Variants in MLLT10 observed in about 807,000 individuals in gnomAD.
MLLT10 encodes protein AF-10.
MLLT10 carries 30 observed loss-of-function variants against 129.1 expected under a neutral mutation model. That is an observed-to-expected ratio of 0.23 (90% CI 0.17 to 0.32). The LOEUF (loss-of-function observed/expected upper bound fraction) is 0.32, where lower values mean the gene tolerates loss of function less well. MLLT10 is among the 10% of genes least tolerant of loss of function. MLLT10 has a pLI of 1.00. For synonymous variants in MLLT10, 490 were observed against 446.4 expected (o/e 1.10, Z -1.23); for missense variants, 1,119 against 1,268.3 (o/e 0.88, Z 1.79).
chr10:21,556,737 G>A (rs1321627749), intron 3 of MLLT10: 6 of 1,611,440 alleles, frequency 3.7e-6, no homozygotes, highest in African/African-American at 2.7e-5. Flanking sequence ...CACCCCCGAT[G>A]CCTGGTGTCT....
chr10:21,685,221 T>C (rs978576946), intron 13 of MLLT10, among the ~76,000 whole-genome samples: 7 of 152,244 alleles, frequency 4.6e-5, no homozygotes, highest in Non-Finnish European at 1.0e-4. Context: ...CATCATTTAT[T>C]CTAGCAACTG....
chr10:21,693,327 C>G (rs1024123891), intron 13 of MLLT10, among the ~76,000 whole-genome samples: 1 of 152,088 alleles, frequency 6.6e-6, no homozygotes, highest in African/African-American at 2.4e-5. Flanking sequence ...TCCTCATACT[C>G]TTCCTTTGCT....
At chr10:21,645,647 A>G (rs1186993259) in intron 8 of MLLT10, among the ~76,000 whole-genome samples, 1 of 152,198 alleles carries the variant, frequency 6.6e-6, no homozygotes, top group Admixed American at 6.5e-5. Flanking sequence ...AATTTACTCT[A>G]GAGTTTTCCT....
intron 8 of MLLT10, chr10:21,624,519 AT>A (rs1363710786): frequency 1.1e-4 from 104 of 946,934 alleles, no homozygotes; most frequent in Non-Finnish European, 1.4e-4. Context: ...GTTAAACAAA[AT>A]TTTTTTTGAA....
chr10:21,581,044 AT>A lies in MLLT10; in HGVS notation c.241-5231del, dbSNP rs35410894. The stretch of plus-strand genomic sequence containing the variant: ...TGTATTTTCTTTTAATGTTCAGTGA[AT>A]TTTTTTTTTTTTTTTTTTGAGACGG... On this transcript the variant is annotated intron_variant, in intron 3 of 22. Coordinates refer to ENST00000307729, the MANE Select transcript of MLLT10 (RefSeq NM_001195626.3). 4.3e-3 allele frequency among the ~76,000 whole-genome samples: 556 copies of A among 128,718 alleles called. 3 individuals carry two copies. The highest frequency in any genetic ancestry group is 0.013 in the South Asian group (52 of 4,026). The allele number at this position is 128,718 out of a possible 152,430, so 84.4% of individuals were successfully genotyped here.
chr10:21,592,602 G>A (rs776773307), intron 4 of MLLT10, among the ~76,000 whole-genome samples: 3 of 152,052 alleles, frequency 2.0e-5, no homozygotes, highest in African/African-American at 7.2e-5. Context: ...GACTACAGGC[G>A]CCTGCCACCT....
chr10:21,648,089 T>TA (rs2048672115), intron 8 of MLLT10, among the ~76,000 whole-genome samples: 1 of 152,200 alleles, frequency 6.6e-6, no homozygotes, highest in South Asian at 2.1e-4. Context: ...GTCTTTGCCT[T>TA]CTGATTTGGA....
intron 3 of MLLT10, among the ~76,000 whole-genome samples, chr10:21,543,161 C>T (rs1216700328): frequency 1.3e-5 from 2 of 151,922 alleles, no homozygotes; most frequent in Non-Finnish European, 2.9e-5. Flanking sequence ...GTTCTTGTTG[C>T]CTAGGCTAGA....
intron 11 of MLLT10, 127 bp from the exon 12 acceptor site, chr10:21,681,205 G>C: frequency 1.7e-6 from 2 of 1,179,862 alleles, no homozygotes; most frequent in Non-Finnish European, 2.5e-6. Context: ...TGTTTTTGAA[G>C]TTCTAGGTGG....
chr10:21,684,065 GGC>G (rs1403588990), intron 13 of MLLT10, among the ~76,000 whole-genome samples: 2 of 151,532 alleles, frequency 1.3e-5, no homozygotes, highest in African/African-American at 4.9e-5. Context: ...GGTGTGCAGT[GGC>G]ATGATCGATC....
rs192753514 is a variant in MLLT10 at position 21,545,896 on chromosome 10, G to C, written c.240+6984G>C. On this transcript the variant is annotated intron_variant, in intron 3 of 22. Coordinates refer to ENST00000307729, the MANE Select transcript of MLLT10 (RefSeq NM_001195626.3). ...TGCCCAGGCTGGTCTCGAACACCTG[G>C]CTTTAAGAGATCCTCCCGTGTTGTC... is the stretch of plus-strand genomic sequence containing the variant. Among the ~76,000 whole-genome samples, 10 of 152,130 alleles carry C rather than the reference G, an allele frequency of 6.6e-5. No homozygotes were observed. In the East Asian group the frequency reaches 1.7e-3, roughly 26 times the overall value.
At position 21,713,808 on chromosome 10, in the gene MLLT10, C is replaced by T. The variant is rs2056318414; in HGVS notation, c.1736C>T (p.Pro579Leu). 2 of 1,613,358 alleles carry T rather than the reference C, an allele frequency of 1.2e-6. No individual in the cohort carries two copies. Among genetic ancestry groups the T allele is most frequent in the Non-Finnish European group, 1.7e-6 (2 of 1,179,682 alleles). ...YNSNDVAVSF[P>L]NVVSGSGSST... ...AGCAATGATGTAGCAGTATCGTTTC[C>T]AAATGTAGTATCTGGCTCGGGATCT... is the stretch of plus-strand genomic sequence containing the variant. The change falls in exon 14 of 23, where the codon CCA becomes CTA. Residue 579 changes from proline (P) to leucine (L), a missense_variant. Pro to Leu is a moderately conservative substitution (Grantham distance 98, BLOSUM62 -3). Around this residue, in one of 5 missense-constraint regions of MLLT10, gnomAD observed 1,004 missense variants for 1,008.7 expected, o/e 1.00. Coordinates refer to ENST00000307729, the MANE Select transcript of MLLT10 (RefSeq NM_001195626.3).
intron 13 of MLLT10, among the ~76,000 whole-genome samples, chr10:21,699,628 G>C (rs1316348572): frequency 6.6e-6 from 1 of 151,554 alleles, no homozygotes; most frequent in African/African-American, 2.4e-5. Flanking sequence ...TTTTTGAAGA[G>C]GATATCCTTT....
At chr10:21,718,119 A>C (rs561498953) in intron 14 of MLLT10, among the ~76,000 whole-genome samples, 71 of 151,976 alleles carry the variant, frequency 4.7e-4, no homozygotes, top group Non-Finnish European at 9.0e-4. Context: ...TGCTGGGATT[A>C]CAGGTGTGGG....
intron 9 of MLLT10, 38 bp downstream of exon 9, chr10:21,651,806 G>A (rs1169183608): frequency 1.4e-5 from 19 of 1,356,912 alleles, no homozygotes; most frequent in South Asian, 9.9e-5. Context: ...TATGTAATAA[G>A]TAGTTATTGT....
At chr10:21,552,825 C>T (rs1468756295) in intron 3 of MLLT10, among the ~76,000 whole-genome samples, 1 of 151,322 alleles carries the variant, frequency 6.6e-6, no homozygotes, top group South Asian at 2.1e-4. Context: ...CCTCTTTCTC[C>T]TCTCTTTGAT....
chr10:21,670,799 T>A, intron 10 of MLLT10, 95 bp downstream of exon 10: 1 of 1,295,830 alleles, frequency 7.7e-7, no homozygotes, highest in Non-Finnish European at 1.1e-6. Context: ...AACTTATAAC[T>A]AATGGATGTT....
intron 11 of MLLT10, among the ~76,000 whole-genome samples, chr10:21,677,716 A>G (rs562334457): frequency 3.4e-4 from 52 of 152,358 alleles, no homozygotes; most frequent in African/African-American, 1.2e-3. Context: ...GACACAGAAG[A>G]CAACTGTATT....
At chr10:21,639,008 C>T (rs771146798) in intron 8 of MLLT10, among the ~76,000 whole-genome samples, 1 of 152,084 alleles carries the variant, frequency 6.6e-6, no homozygotes, top group Non-Finnish European at 1.5e-5. Flanking sequence ...CCTAGTTGAC[C>T]GTACAATTTT....
Sources: allele counts gnomAD v4.1 joint callset (sites outside exome capture counted in the v4.1 genomes callset), GRCh38; gene constraint gnomAD v4.1.1; regional missense constraint gnomAD v4.1.1; transcripts MANE v1.5; gene names NCBI Gene and HGNC (gene_info 2026-07-23, HGNC 2026-07-21).